Variants in EPB41L4A observed in about 807,000 individuals in gnomAD.
The protein encoded by EPB41L4A is band 4.1-like protein 4A.
A neutral mutation model predicts 108.6 loss-of-function variants in EPB41L4A; 100 were observed. That is an observed-to-expected ratio of 0.92 (90% confidence interval 0.78 to 1.09). The LOEUF is 1.09. Ranked by LOEUF, EPB41L4A falls within the 50% of genes least tolerant of loss-of-function variation. The probability of loss-of-function intolerance (pLI) is 0.00; values close to 1 mark genes in which losing one functional copy is unlikely to be tolerated. For synonymous variants in EPB41L4A, 319 were observed against 289.0 expected, an observed-to-expected ratio of 1.10 and a Z score of -1.05; for missense variants, 1,030 against 842.7, an observed-to-expected ratio of 1.22 and a Z score of -2.75.
chr5:112,278,558 T>A (rs901529079), intron 3 of EPB41L4A, among the ~76,000 whole-genome samples: 1 of 152,032 alleles, frequency 6.6e-6, no homozygotes, highest in African/African-American at 2.4e-5. Flanking sequence ...CTTATGCAAA[T>A]TTTTAATATT....
At chr5:112,190,592 G>A (rs996972373) in intron 17 of EPB41L4A, among the ~76,000 whole-genome samples, 1 of 152,184 alleles carries the variant, frequency 6.6e-6, no homozygotes, top group Non-Finnish European at 1.5e-5. Flanking sequence ...GAGTAACTCT[G>A]GAAGTGGGTA....
At chr5:112,229,055 T>G (rs1047733625) in intron 12 of EPB41L4A, among the ~76,000 whole-genome samples, 1 of 152,224 alleles carries the variant, frequency 6.6e-6, no homozygotes, top group Non-Finnish European at 1.5e-5. Flanking sequence ...TTAAGGGGAC[T>G]AGTCATCTAG....
chr5:112,184,016 G>C lies in EPB41L4A; in HGVS notation c.1622C>G (p.Ser541Trp). Residue 541 changes from serine (S) to tryptophan (W), a missense_variant and splice_region_variant, in exon 18 of 23, where the codon TCG becomes TGG. Transcript: ENST00000261486. ...NNRRSRHRSR[S>W]RSPDIQAKEE... ...CAAGGTATAAAAAGAGTCCACATAC[G>C]AACGAGATCTGTGTCTGGATCGCCT... 1.9e-6 allele frequency: 3 copies of C among 1,613,854 alleles called. No individual in the cohort carries two copies. The highest frequency in any genetic ancestry group is 2.5e-6 in the Non-Finnish European group (3 of 1,179,876).
chr5:112,326,708 G>A (rs148621638), intron 1 of EPB41L4A, among the ~76,000 whole-genome samples: 16 of 152,144 alleles, frequency 1.1e-4, no homozygotes, highest in African/African-American at 3.6e-4. Context: ...TCCTGAACTC[G>A]CCCACTGTCT....
chr5:112,360,689 T>G (rs1758671512), intron 1 of EPB41L4A, among the ~76,000 whole-genome samples: 1 of 152,196 alleles, frequency 6.6e-6, no homozygotes, highest in Non-Finnish European at 1.5e-5. Context: ...TCTGCCCGGC[T>G]GCCACCCCGT....
At chr5:112,359,755 T>A (rs1399080407) in intron 1 of EPB41L4A, among the ~76,000 whole-genome samples, 1 of 152,202 alleles carries the variant, frequency 6.6e-6, no homozygotes, top group Non-Finnish European at 1.5e-5. Flanking sequence ...TTAGCCAGGA[T>A]GGTCTCCATC....
intron 17 of EPB41L4A, among the ~76,000 whole-genome samples, chr5:112,188,697 C>T (rs958162085): frequency 1.3e-5 from 2 of 152,084 alleles, no homozygotes; most frequent in Non-Finnish European, 2.9e-5. Context: ...CTCTCCGTAC[C>T]CAAAATTTTT....
intron 2 of EPB41L4A, among the ~76,000 whole-genome samples, chr5:112,303,798 T>A (rs534274123): frequency 6.6e-6 from 1 of 152,228 alleles, no homozygotes; most frequent in African/African-American, 2.4e-5. Context: ...GAAGTGAATG[T>A]AAGAAACTTA....
intron 2 of EPB41L4A, among the ~76,000 whole-genome samples, chr5:112,281,666 G>A (rs1354589325): frequency 1.3e-5 from 2 of 152,254 alleles, no homozygotes; most frequent in African/African-American, 2.4e-5. Flanking sequence ...GCACTCATGC[G>A]CTGGCGCAGT....
Position 112,392,376 on chromosome 5 carries a change from G to A in EPB41L4A, c.99+26565C>T, listed in dbSNP as rs1247027870. ...ATAGGCTCAAAATAAAGGGATGGAGGAAGATCTACCAAGCAAATGGAAAGC... is the reference window on the plus strand; with the variant it reads ...ATAGGCTCAAAATAAAGGGATGGAGAAAGATCTACCAAGCAAATGGAAAGC... On this transcript the variant is annotated intron_variant, in intron 1 of 22. Transcript: ENST00000261486. 4.3e-5 allele frequency among the ~76,000 whole-genome samples: 4 copies of A among 92,964 alleles called. No individual in the cohort carries two copies. The Admixed American group carries it at 6.4e-4, about 15-fold the overall frequency. 61.0% of individuals were successfully genotyped at this position (92,964 alleles called of 152,430 possible).
At chr5:112,153,047 T>C (rs958521461) in intron 12 of EPB41L4A, among the ~76,000 whole-genome samples, 1 of 150,182 alleles carries the variant, frequency 6.7e-6, no homozygotes, top group Admixed American at 6.7e-5. Context: ...GGTGAAACCA[T>C]GTCTCTAATA....
At chr5:112,356,692 G>A (rs1758380142) in intron 1 of EPB41L4A, among the ~76,000 whole-genome samples, 2 of 152,060 alleles carry the variant, frequency 1.3e-5, no homozygotes, top group African/African-American at 4.8e-5. Flanking sequence ...ACTCTCATGT[G>A]GGTCTATTGC....
At chr5:112,200,933 G>T (rs1425763271) in intron 15 of EPB41L4A, among the ~76,000 whole-genome samples, 3 of 152,122 alleles carry the variant, frequency 2.0e-5, no homozygotes, top group African/African-American at 7.2e-5. Flanking sequence ...ATTGCAAAGT[G>T]TATTATCCTG....
At chr5:112,147,073 T>G (rs1759286291) in intron 12 of EPB41L4A, among the ~76,000 whole-genome samples, 1 of 152,212 alleles carries the variant, frequency 6.6e-6, no homozygotes, top group Non-Finnish European at 1.5e-5. Context: ...AAGTGTAATG[T>G]GCTGCTCTAA....
intron 4 of EPB41L4A, among the ~76,000 whole-genome samples, chr5:112,269,862 T>C (rs1231482666): frequency 6.6e-6 from 1 of 152,118 alleles, no homozygotes; most frequent in Admixed American, 6.6e-5. Context: ...AACAAACCGA[T>C]GTATATGCAC....
chr5:112,221,685 G>T (rs750015263), intron 12 of EPB41L4A, among the ~76,000 whole-genome samples: 2 of 151,798 alleles, frequency 1.3e-5, no homozygotes, highest in East Asian at 1.9e-4. Flanking sequence ...TATAAAATAG[G>T]GTCTTATGCC....
rs186062590 is a variant in EPB41L4A at position 112,178,512 on chromosome 5, C to T, written c.1622+5504G>A. On this transcript the variant is annotated intron_variant, in intron 18 of 22. Coordinates refer to ENST00000261486, the MANE Select transcript of EPB41L4A (RefSeq NM_022140.5). ...CTTCTTGAGTCTACAGATTATTCAT[C>T]ATTAAAAACCATATGCTAGGCCTTA... Among the ~76,000 whole-genome samples the T allele has an allele frequency of 3.0e-3, 463 of 152,158 alleles. 2 individuals carry two copies. The highest frequency in any genetic ancestry group is 0.01 in the Middle Eastern group (3 of 294).
chr5:112,260,639 A>G (rs908525993), intron 7 of EPB41L4A, among the ~76,000 whole-genome samples: 1 of 152,220 alleles, frequency 6.6e-6, no homozygotes, highest in African/African-American at 2.4e-5. Context: ...TCAAAAATGT[A>G]AAAGTATAAT....
intron 1 of EPB41L4A, among the ~76,000 whole-genome samples, chr5:112,322,350 A>G (rs1249596266): frequency 6.6e-6 from 1 of 152,212 alleles, no homozygotes; most frequent in Non-Finnish European, 1.5e-5. Flanking sequence ...GTGCTCTAAC[A>G]TGCACTCATA....
Sources: allele counts gnomAD v4.1 joint callset (sites outside exome capture counted in the v4.1 genomes callset), GRCh38; gene constraint gnomAD v4.1.1; transcripts MANE v1.5; gene names NCBI Gene and HGNC (gene_info 2026-07-23, HGNC 2026-07-21).